FAM241A: variants seen among roughly 807,000 people sequenced by gnomAD.
FAM241A encodes uncharacterized protein FAM241A.
A neutral mutation model predicts 12.2 loss-of-function variants in FAM241A; 7 were observed. That is an observed-to-expected ratio of 0.58 (90% confidence interval 0.33 to 1.08). The LOEUF is 1.08. FAM241A is among the 50% of genes least tolerant of loss of function. FAM241A has a pLI of 0.04. For missense variants in FAM241A, 161 were observed against 169.7 expected, an observed-to-expected ratio of 0.95 and a Z score of 0.29; for synonymous variants, 74 against 68.2, an observed-to-expected ratio of 1.08 and a Z score of -0.42.
chr4:112,181,543 G>A (rs559749350), intron 1 of FAM241A, among the ~76,000 whole-genome samples: 8 of 152,344 alleles, frequency 5.3e-5, no homozygotes, highest in Non-Finnish European at 1.2e-4. Flanking sequence ...GAAGTTTATA[G>A]TACAGGTAGA....
Position 112,189,225 on chromosome 4 carries a change from G to C in FAM241A, c.*2287G>C, listed in dbSNP as rs1469853741. On this transcript the variant is annotated 3_prime_UTR_variant, in exon 2 of 2. Coordinates refer to ENST00000309733, the MANE Select transcript of FAM241A (RefSeq NM_152400.3). ...ATGGTGAAACCCCATCCCTACTAAA[G>C]GTACAAAAAATTAGCCGGGCCTGGT... 1 of 151,610 alleles carries C rather than the reference G, an allele frequency of 6.6e-6. No homozygotes were observed. Among genetic ancestry groups the C allele is most frequent in the Non-Finnish European group, 1.5e-5 (1 of 67,886 alleles). The allele number at this position is 151,610 out of a possible 1,614,324, so 9.4% of individuals were successfully genotyped here. A position where few individuals can be genotyped will look rare whatever the true frequency, so the allele number is the denominator to read the frequency against.
chr4:112,176,751 G>GT (rs1483601125), intron 1 of FAM241A, among the ~76,000 whole-genome samples: 1 of 152,168 alleles, frequency 6.6e-6, no homozygotes, highest in Non-Finnish European at 1.5e-5. Context: ...CAAAAAAAGA[G>GT]TATCACTGCT....
At chr4:112,176,158 C>T (rs974425923) in intron 1 of FAM241A, among the ~76,000 whole-genome samples, 1 of 152,076 alleles carries the variant, frequency 6.6e-6, no homozygotes, top group Admixed American at 6.6e-5. Context: ...CATCCCACTT[C>T]AATTTCTATA....
chr4:112,178,069 C>T (rs1458118961), intron 1 of FAM241A, among the ~76,000 whole-genome samples: 2 of 152,120 alleles, frequency 1.3e-5, no homozygotes, highest in Non-Finnish European at 2.9e-5. Context: ...ATTTGTAAGA[C>T]ATGTTTCTTG....
At chr4:112,170,087 T>C (rs1723685139) in intron 1 of FAM241A, among the ~76,000 whole-genome samples, 1 of 152,224 alleles carries the variant, frequency 6.6e-6, no homozygotes, top group South Asian at 2.1e-4. Context: ...CACTACAAAC[T>C]AATTTCTTTC....
intron 1 of FAM241A, among the ~76,000 whole-genome samples, chr4:112,173,530 T>C (rs1578376708): frequency 6.6e-6 from 1 of 152,132 alleles, no homozygotes; most frequent in African/African-American, 2.4e-5. Flanking sequence ...CACTTAATGA[T>C]ATGTGTGAAA....
chr4:112,181,890 C>T (rs1350992247), intron 1 of FAM241A, among the ~76,000 whole-genome samples: 1 of 152,060 alleles, frequency 6.6e-6, no homozygotes, highest in East Asian at 1.9e-4. Context: ...ATGGAGGTGG[C>T]ATGATTGAAT....
At chr4:112,173,693 T>C (rs576430044) in intron 1 of FAM241A, among the ~76,000 whole-genome samples, 39 of 152,304 alleles carry the variant, frequency 2.6e-4, no homozygotes, top group African/African-American at 9.1e-4. Context: ...TCACAGTACA[T>C]GTGAAGAATA....
chr4:112,185,777 T>C (rs1275897084), intron 1 of FAM241A, among the ~76,000 whole-genome samples: 1 of 152,116 alleles, frequency 6.6e-6, no homozygotes, highest in Admixed American at 6.6e-5. Flanking sequence ...TCTACAAGTG[T>C]TGGAAAACCC....
rs1020240266 is a variant in FAM241A, at chr4:112,187,560, C to T, written c.*622C>T. On this transcript the variant is annotated 3_prime_UTR_variant, in exon 2 of 2. Transcript: ENST00000309733. ...ATTTATTATTACTGGGGAAAGCTCC[C>T]AGGTTAAATATAACTTTTTTAAAAT... is the stretch of plus-strand genomic sequence containing the variant. The T allele has an allele frequency of 2.0e-5, 3 of 152,482 alleles. No individual in the cohort carries two copies. The highest frequency in any genetic ancestry group is 7.2e-5 in the African/African-American group (3 of 41,418). 9.4% of individuals were successfully genotyped at this position (152,482 alleles called of 1,614,324 possible). A position where few individuals can be genotyped will look rare whatever the true frequency, so the allele number is the denominator to read the frequency against.
At chr4:112,177,612 C>G (rs1425016358) in intron 1 of FAM241A, among the ~76,000 whole-genome samples, 2 of 152,016 alleles carry the variant, frequency 1.3e-5, no homozygotes, top group African/African-American at 4.8e-5. Context: ...GCATGTAAAA[C>G]ACAATGCATG....
At chr4:112,161,631 A>C (rs1470461421) in intron 1 of FAM241A, among the ~76,000 whole-genome samples, 2 of 152,202 alleles carry the variant, frequency 1.3e-5, no homozygotes, top group Admixed American at 1.3e-4. Flanking sequence ...ATCCCTGAAC[A>C]GACCAATAAC....
At chr4:112,167,463 GC>G (rs1723622593) in intron 1 of FAM241A, among the ~76,000 whole-genome samples, 1 of 152,218 alleles carries the variant, frequency 6.6e-6, no homozygotes, top group Admixed American at 6.5e-5. Flanking sequence ...CAATTTTAGA[GC>G]AGATGGTTAT....
intron 1 of FAM241A, among the ~76,000 whole-genome samples, chr4:112,183,518 T>C (rs979476680): frequency 6.6e-6 from 1 of 152,084 alleles, no homozygotes; most frequent in African/African-American, 2.4e-5. Flanking sequence ...AGATTTAATT[T>C]ATTTTACAAA....
In FAM241A at chr4:112,191,332, C is replaced by T. The variant is rs901340096; in HGVS notation, c.*4394C>T. On this transcript the variant is annotated 3_prime_UTR_variant, in exon 2 of 2. Transcript: ENST00000309733. ...TGGCATGCTGAGAATCCTGATTAGCCTCCCTACCTTCATTTTCCACTTTGT... is the reference window on the plus strand; with the variant it reads ...TGGCATGCTGAGAATCCTGATTAGCTTCCCTACCTTCATTTTCCACTTTGT... 5.2e-4 allele frequency: 79 copies of T among 152,330 alleles called. No individual in the cohort carries two copies. The highest frequency in any genetic ancestry group is 1.8e-3 in the African/African-American group (74 of 41,574). 9.4% of individuals were successfully genotyped at this position (152,330 alleles called of 1,614,324 possible).
At chr4:112,172,449 A>G (rs1049568003) in intron 1 of FAM241A, among the ~76,000 whole-genome samples, 1 of 152,220 alleles carries the variant, frequency 6.6e-6, no homozygotes, top group African/African-American at 2.4e-5. Context: ...CTATCCTTTT[A>G]TATAATAATA....
At chr4:112,172,272 G>T (rs990186842) in intron 1 of FAM241A, among the ~76,000 whole-genome samples, 4 of 150,662 alleles carry the variant, frequency 2.7e-5, no homozygotes, top group African/African-American at 1.0e-4. Flanking sequence ...AACATTGCTT[G>T]TTGTTTTCAA....
chr4:112,160,901 A>T (rs930954053), intron 1 of FAM241A, among the ~76,000 whole-genome samples: 1 of 143,548 alleles, frequency 7.0e-6, no homozygotes, highest in African/African-American at 2.6e-5. Context: ...CATATACAAA[A>T]ATCAAATCAA....
chr4:112,169,409 TC>T lies in FAM241A; in HGVS notation c.154-17283del, dbSNP rs547115871. Among the ~76,000 whole-genome samples the T allele has an allele frequency of 3.9e-5, 6 of 152,348 alleles. No individual in the cohort carries two copies. The South Asian group carries it at 1.2e-3, about 32-fold the overall frequency. ...AAAAGGTATATGTTACAGTATAAAA[TC>T]TATTTTTATACTTGCGTGCATGAAT... On this transcript the variant is annotated intron_variant, in intron 1 of 1. Coordinates refer to ENST00000309733, the MANE Select transcript of FAM241A (RefSeq NM_152400.3).
Sources: allele counts gnomAD v4.1 joint callset (sites outside exome capture counted in the v4.1 genomes callset), GRCh38; gene constraint gnomAD v4.1.1; transcripts MANE v1.5; gene names NCBI Gene and HGNC (gene_info 2026-07-23, HGNC 2026-07-21).